PUS3: variants seen among roughly 807,000 people sequenced by gnomAD.
The protein encoded by PUS3 is tRNA pseudouridine(38/39) synthase.
PUS3 carries 36 observed loss-of-function variants against 43.3 expected under a neutral mutation model. That is an observed-to-expected ratio of 0.83 (90% confidence interval 0.64 to 1.10). PUS3 has a LOEUF of 1.10. PUS3 is among the 50% of genes least tolerant of loss of function. The pLI, the probability that PUS3 is intolerant of heterozygous loss-of-function variation, is 0.00. For missense variants in PUS3, 544 were observed against 589.9 expected (o/e 0.92, Z 0.81); for synonymous variants, 183 against 199.2 (o/e 0.92, Z 0.69).
chr11:125,902,053 G>A (rs1229582272), intron 1 of PUS3, among the ~76,000 whole-genome samples: 1 of 152,130 alleles, frequency 6.6e-6, no homozygotes, highest in Non-Finnish European at 1.5e-5. Flanking sequence ...TTCAACTCCC[G>A]TGCTAACTAA....
chr11:125,896,837 A>G (rs1323370929), intron 1 of PUS3, among the ~76,000 whole-genome samples: 1 of 152,198 alleles, frequency 6.6e-6, no homozygotes, highest in Non-Finnish European at 1.5e-5. Flanking sequence ...GTGCAATAGA[A>G]GCTAGCCTAA....
intron 1 of PUS3, among the ~76,000 whole-genome samples, chr11:125,896,922 A>G (rs1017796393): frequency 6.6e-6 from 1 of 152,190 alleles, no homozygotes; most frequent in Non-Finnish European, 1.5e-5. Context: ...ACTTTAAGCA[A>G]TTTTGATGGG....
chr11:125,899,596 T>C lies in PUS3; in HGVS notation c.-46-3266A>G, dbSNP rs752688031. On this transcript the variant is annotated intron_variant, in intron 1 of 3. Coordinates refer to ENST00000227474, the MANE Select transcript of PUS3 (RefSeq NM_031307.4). ...TACAGTACCCACATGTAGAAAGTAA[T>C]GTCCCTTCAGAAACAGTCTCTGAGG... 2 of 1,614,152 alleles carry C rather than the reference T, an allele frequency of 1.2e-6. No individual in the cohort carries two copies. The highest frequency in any genetic ancestry group is 1.1e-5 in the South Asian group (1 of 91,082).
chr11:125,900,713 C>A, intron 1 of PUS3: 1 of 206,492 alleles, frequency 4.8e-6, no homozygotes, highest in South Asian at 8.0e-5. Flanking sequence ...ATGATGAGAG[C>A]TCAAAAGAAG....
chr11:125,899,481 A>C lies in PUS3; in HGVS notation c.-46-3151T>G, dbSNP rs537998831. On this transcript the variant is annotated intron_variant, in intron 1 of 3. Transcript: ENST00000227474. ...ATCTGTGCAGGGCAGGGTGAAGGAGATGTCAGGAGAGAAGCCCAATCTATC... is the reference window on the plus strand; with the variant it reads ...ATCTGTGCAGGGCAGGGTGAAGGAGCTGTCAGGAGAGAAGCCCAATCTATC... 3 of 1,614,156 alleles carry C rather than the reference A, an allele frequency of 1.9e-6. No individual in the cohort carries two copies. In the African/African-American group the frequency reaches 4.0e-5, roughly 22 times the overall value.
chr11:125,895,027 G>A (rs1397960080), intron 3 of PUS3, among the ~76,000 whole-genome samples, 197 bp downstream of exon 3: 5 of 151,538 alleles, frequency 3.3e-5, no homozygotes, highest in South Asian at 4.2e-4. Flanking sequence ...AGACAGTTAC[G>A]GTGGAGAGGA....
Position 125,896,158 on chromosome 11 carries a change from C to A in PUS3, c.127G>T (p.Glu43Ter), listed in dbSNP as rs982322663. The A allele has an allele frequency of 6.2e-7, 1 of 1,614,174 alleles. No individual in the cohort carries two copies. Among genetic ancestry groups the A allele is most frequent in the Non-Finnish European group, 8.5e-7 (1 of 1,180,016 alleles). The change falls in exon 2 of 4, where the codon GAA becomes TAA. Residue 43 changes from glutamate (E) to a stop codon, truncating the protein, a stop_gained. Coordinates refer to ENST00000227474, the MANE Select transcript of PUS3 (RefSeq NM_031307.4). LOFTEE classifies it high-confidence loss of function. ...GTTTTTCCAGCTCCTGCTGAATTTT[C>A]TCTAATGTTTGAGTCCTCCTTATTT... ...AKNKEDSNIR[E>*]NSAGAGKTKR...
At position 125,893,935 on chromosome 11, in the gene PUS3, A is replaced by T. The variant is rs370085015; in HGVS notation, c.1296T>A (p.Arg432=). The change falls in exon 4 of 4, where the codon CGT becomes CGA. Residue 432 remains arginine (R), a synonymous_variant. Transcript: ENST00000227474. ...AATGTGGGTGCTCAATTCGTCCCCT[A>T]CGTACAAAATGCTGGATCCGGGATT... ...GLESRIQHFV[R]RGRIEHPHLF... is the part of the protein sequence containing the mutation. 2 of 1,614,102 alleles carry T rather than the reference A, an allele frequency of 1.2e-6. No individual in the cohort carries two copies. Among genetic ancestry groups the T allele is most frequent in the Non-Finnish European group, 1.7e-6 (2 of 1,180,028 alleles).
At chr11:125,903,135 C>T (rs775105908) in intron 1 of PUS3, 35 bp downstream of exon 1, 31 of 970,820 alleles carry the variant, frequency 3.2e-5, no homozygotes, top group African/African-American at 7.0e-5. Flanking sequence ...CTGTGGAACC[C>T]AGAAAGTAAC....
intron 3 of PUS3, 130 bp from the exon 4 acceptor site, chr11:125,894,416 C>G (rs3740903): frequency 4.4e-6 from 3 of 674,876 alleles, no homozygotes; most frequent in East Asian, 5.2e-5. Flanking sequence ...TGCCTAATAG[C>G]TGAGAAAATA....
At chr11:125,903,070 G>A (rs1430742875) in intron 1 of PUS3, 100 bp downstream of exon 1, 3 of 487,282 alleles carry the variant, frequency 6.2e-6, no homozygotes, top group Admixed American at 6.4e-5. Flanking sequence ...TGTGAAAGAG[G>A]GCAAAAAGAA....
rs1166193264 is a variant in PUS3 at position 125,894,279 on chromosome 11, C to T, written c.952G>A (p.Val318Ile). 6.2e-7 allele frequency: 1 copy of T among 1,600,920 alleles called. No individual in the cohort carries two copies. The highest frequency in any genetic ancestry group is 1.7e-5 in the Admixed American group (1 of 58,886). Residue 318 changes from valine to isoleucine, a missense_variant, in exon 4 of 4, where the codon GTA (valine) becomes ATA (isoleucine). Transcript: ENST00000227474. ...NPQKPQYSMA[V>I]EFPLVLYDCK... ...TCATATAAGACTAGAGGAAATTCTACAGCCATACTAGAGAAAAAGAGAAAA... is the reference window on the plus strand; with the variant it reads ...TCATATAAGACTAGAGGAAATTCTATAGCCATACTAGAGAAAAAGAGAAAA...
At chr11:125,899,649 T>C (rs1360977620) in intron 1 of PUS3, 1 of 1,614,152 alleles carries the variant, frequency 6.2e-7, no homozygotes, top group Non-Finnish European at 8.5e-7. Flanking sequence ...AAGCCAGTGA[T>C]GAAGAGAAAG....
At chr11:125,894,326 A>C in intron 3 of PUS3, 40 bp from the exon 4 acceptor site, 1 of 1,514,980 alleles carries the variant, frequency 6.6e-7, no homozygotes, top group Non-Finnish European at 9.0e-7. Context: ...AATACATAAC[A>C]TCCATCTAAC....
rs200845129 is a variant in PUS3, at chr11:125,896,317, C to T, written c.-33G>A. The T allele has an allele frequency of 8.4e-6, 13 of 1,542,796 alleles. No individual in the cohort carries two copies. Among genetic ancestry groups the T allele is most frequent in the Admixed American group, 7.3e-5 (4 of 54,496 alleles). The stretch of plus-strand genomic sequence containing the variant: ...CAACCCCAGGAATAAACGAACCATA[C>T]AGGTCTGCCCTGTCTGAAAAGAGAG... On this transcript the variant is annotated 5_prime_UTR_variant, in exon 2 of 4. Transcript: ENST00000227474.
chr11:125,902,238 C>G (rs1349767884), intron 1 of PUS3, among the ~76,000 whole-genome samples: 3 of 152,230 alleles, frequency 2.0e-5, no homozygotes, highest in South Asian at 4.1e-4. Flanking sequence ...GAAGTAACCA[C>G]AGAGAGGGAA....
At chr11:125,894,458 T>TA (rs902423150) in intron 3 of PUS3, among the ~76,000 whole-genome samples, 172 bp from the exon 4 acceptor site, 2 of 152,174 alleles carry the variant, frequency 1.3e-5, no homozygotes, top group African/African-American at 4.8e-5. Context: ...ACACCTTTAT[T>TA]ACAATAATGA....
At chr11:125,897,600 T>C (rs900385535) in intron 1 of PUS3, among the ~76,000 whole-genome samples, 2 of 151,482 alleles carry the variant, frequency 1.3e-5, no homozygotes, top group Non-Finnish European at 2.9e-5. Flanking sequence ...AAAAAGCTTA[T>C]AAAAATTTTT....
At chr11:125,899,742 A>G in intron 1 of PUS3, 1 of 1,614,234 alleles carries the variant, frequency 6.2e-7, no homozygotes, top group African/African-American at 1.3e-5. Context: ...ACAGAAAATG[A>G]TCAGGATCTC....
Sources: gnomAD v4.1 joint callset for allele counts (sites outside exome capture counted in the v4.1 genomes callset) on GRCh38, gnomAD v4.1.1 for gene constraint, MANE v1.5 for transcripts, NCBI Gene and HGNC (gene_info 2026-07-23, HGNC 2026-07-21) for gene names.